The following NUP107 variants were observed in gnomAD, a reference collection of about 807,000 sequenced individuals.
NUP107 encodes the protein nuclear pore complex protein Nup107.
Under a neutral mutation model 141.0 loss-of-function variants are expected in NUP107, and 101 were observed. The ratio of observed to expected loss-of-function variants is 0.72; its 90% CI spans 0.61 to 0.84. The LOEUF (loss-of-function observed/expected upper bound fraction) is 0.84, where lower values mean the gene tolerates loss of function less well. Among genes scored for constraint, NUP107 ranks in the 40% least tolerant of loss-of-function variants. The pLI, the probability that NUP107 is intolerant of heterozygous loss-of-function variation, is 0.00. For synonymous variants in NUP107, 319 were observed against 363.9 expected (o/e 0.88, Z 1.41); for missense variants, 941 against 1,102.7 (o/e 0.85, Z 2.08).
Position 68,732,743 on chromosome 12 carries a change from T to C in NUP107, c.2101+4T>C. On this transcript the variant is annotated splice_donor_region_variant and intron_variant, in intron 23 of 27. Transcript: ENST00000229179. ...GCAATTATGAGAAAATTCTTGGGTATAGTATATTTTTATGCAGCTTCAAAC... is the reference window on the plus strand; with the variant it reads ...GCAATTATGAGAAAATTCTTGGGTACAGTATATTTTTATGCAGCTTCAAAC... 3.2e-6 allele frequency: 5 copies of C among 1,580,900 alleles called. No homozygotes were observed. The highest frequency in any genetic ancestry group is 1.1e-5 in the South Asian group (1 of 89,210).
At chr12:68,711,316 A>G (rs1025502133) in intron 10 of NUP107, among the ~76,000 whole-genome samples, 11 of 152,128 alleles carry the variant, frequency 7.2e-5, no homozygotes, top group African/African-American at 2.4e-4. Context: ...GCGCCACTGC[A>G]CTCCAGCCTG....
chr12:68,698,168 A>T (rs1391975788), intron 6 of NUP107, among the ~76,000 whole-genome samples: 1 of 151,014 alleles, frequency 6.6e-6, no homozygotes, highest in Non-Finnish European at 1.5e-5. Flanking sequence ...AGTAATCCCA[A>T]CACTTTGGGA....
In NUP107 at chr12:68,727,566, C is replaced by T. The variant is rs74103028; in HGVS notation, c.1734+177C>T. 0.045 allele frequency among the ~76,000 whole-genome samples: 6,789 copies of T among 152,090 alleles called. 511 individuals are homozygous for T. Among genetic ancestry groups the T allele is most frequent in the African/African-American group, 0.15 (6,358 of 41,438 alleles). On this transcript the variant is annotated intron_variant, in intron 20 of 27. Coordinates refer to ENST00000229179, the MANE Select transcript of NUP107 (RefSeq NM_020401.4). ...CAGGGATTAGGAAAACAACCCCCAC[C>T]GCCCCGCACAATCAAAAATTCACTA...
intron 8 of NUP107, chr12:68,707,056 T>C: frequency 1.7e-6 from 1 of 585,954 alleles, no homozygotes; most frequent in Non-Finnish European, 3.0e-6. Context: ...AGTCGTCTGA[T>C]GTACTGACCA....
chr12:68,742,545 G>A lies in NUP107; in HGVS notation c.*83G>A. The A allele has an allele frequency of 1.5e-6, 1 of 664,354 alleles. No homozygotes were observed. The highest frequency in any genetic ancestry group is 2.5e-6 in the Non-Finnish European group (1 of 403,172). The allele number at this position is 664,354 out of a possible 1,614,324, so 41.2% of individuals were successfully genotyped here. A position where few individuals can be genotyped will look rare whatever the true frequency, so the allele number is the denominator to read the frequency against. On this transcript the variant is annotated 3_prime_UTR_variant, in exon 28 of 28. Coordinates refer to ENST00000229179, the MANE Select transcript of NUP107 (RefSeq NM_020401.4). ...CTTGTTATTAGTAATTTTTTCTTTT[G>A]CATTACCATGTAAAATTTAGACATT... is the stretch of plus-strand genomic sequence containing the variant.
At chr12:68,721,283 G>A (rs1199299415) in intron 15 of NUP107, 106 bp downstream of exon 15, 40 of 671,592 alleles carry the variant, frequency 6.0e-5, no homozygotes, top group Middle Eastern at 8.4e-4. Flanking sequence ...GTATACTTAA[G>A]TATATACATA....
chr12:68,693,288 G>A (rs1875904785), intron 5 of NUP107, among the ~76,000 whole-genome samples: 2 of 151,994 alleles, frequency 1.3e-5, no homozygotes, highest in Non-Finnish European at 2.9e-5. Context: ...TTTTGGCCAG[G>A]CTGATCTCGA....
chr12:68,736,922 G>A (rs1878098595), intron 26 of NUP107, among the ~76,000 whole-genome samples: 1 of 151,628 alleles, frequency 6.6e-6, no homozygotes, highest in East Asian at 2.0e-4. Context: ...GGCTGGTCTC[G>A]AACTCCTGAC....
intron 20 of NUP107, 88 bp downstream of exon 20, chr12:68,727,477 TAAGA>T (rs1171642593): frequency 2.8e-6 from 2 of 708,560 alleles, no homozygotes; most frequent in Non-Finnish European, 4.8e-6. Context: ...TTCTCAGTGG[TAAGA>T]AAGCATCAGA....
intron 26 of NUP107, among the ~76,000 whole-genome samples, chr12:68,736,748 G>GTTTTT (rs1258658216): frequency 8.1e-6 from 1 of 124,198 alleles, no homozygotes; most frequent in Non-Finnish European, 1.6e-5. Context: ...TTGAGAAAGA[G>GTTTTT]TTTTGCTCTT....
intron 26 of NUP107, among the ~76,000 whole-genome samples, chr12:68,739,041 T>C (rs1878205631): frequency 6.6e-6 from 1 of 152,112 alleles, no homozygotes; most frequent in Non-Finnish European, 1.5e-5. Context: ...ATTCTGGGCC[T>C]CTTCATTGGT....
At chr12:68,728,421 CT>C (rs775566595) in intron 20 of NUP107, among the ~76,000 whole-genome samples, 2,586 of 112,400 alleles carry the variant, frequency 0.023, 20 homozygotes, top group Non-Finnish European at 0.034. Context: ...GAAAACCTGT[CT>C]TTTTTTTTTT....
chr12:68,692,326 A>G (rs926570342), intron 5 of NUP107, among the ~76,000 whole-genome samples: 6 of 152,028 alleles, frequency 3.9e-5, no homozygotes, highest in African/African-American at 1.2e-4. Context: ...CATGCCTATA[A>G]TCCTAGCACT....
chr12:68,733,068 C>T (rs1259484279), intron 23 of NUP107, among the ~76,000 whole-genome samples: 2 of 151,894 alleles, frequency 1.3e-5, no homozygotes, highest in South Asian at 4.2e-4. Flanking sequence ...TTTGATCCTT[C>T]CATAGGGAGG....
chr12:68,703,607 C>T (rs778579350), intron 8 of NUP107, among the ~76,000 whole-genome samples: 16 of 151,984 alleles, frequency 1.1e-4, no homozygotes, highest in Non-Finnish European at 1.6e-4. Context: ...TGTGCCACCA[C>T]GCCTGGCTAA....
In NUP107 at chr12:68,713,713, CTTA is replaced by C. The variant is rs1244740226; in HGVS notation, c.891-11_891-9del. On this transcript the variant is annotated splice_polypyrimidine_tract_variant and intron_variant, in intron 10 of 27. Coordinates refer to ENST00000229179, the MANE Select transcript of NUP107 (RefSeq NM_020401.4). ...AAATTACCTCTTAAAAAATTTGGTACTTATTATTTCTTTCAGGGAAAATACTCT... is the reference window on the plus strand; with the variant it reads ...AAATTACCTCTTAAAAAATTTGGTACTTATTTCTTTCAGGGAAAATACTCT... The C allele has an allele frequency of 3.2e-6, 5 of 1,572,144 alleles. No individual in the cohort carries two copies. Among genetic ancestry groups the C allele is most frequent in the African/African-American group, 2.7e-5 (2 of 72,770 alleles).
chr12:68,713,608 A>G (rs1565694468), intron 10 of NUP107, 122 bp from the exon 11 acceptor site: 1 of 717,298 alleles, frequency 1.4e-6, no homozygotes, highest in Admixed American at 2.8e-5. Flanking sequence ...TGTATTAAGG[A>G]TTTTTGCATG....
At chr12:68,741,612 G>A (rs951524624) in intron 26 of NUP107, among the ~76,000 whole-genome samples, 2 of 152,160 alleles carry the variant, frequency 1.3e-5, no homozygotes, top group African/African-American at 4.8e-5. Flanking sequence ...GACATAGTAA[G>A]TTTATTAGAA....
intron 1 of NUP107, chr12:68,687,727 G>A (rs1316102781): frequency 1.6e-5 from 13 of 823,490 alleles, no homozygotes; most frequent in Non-Finnish European, 1.5e-5. Flanking sequence ...TACCTACTAT[G>A]TGACTGCCAT....
Sources: allele counts gnomAD v4.1 joint callset (sites outside exome capture counted in the v4.1 genomes callset), GRCh38; gene constraint gnomAD v4.1.1; transcripts MANE v1.5; gene names NCBI Gene and HGNC (gene_info 2026-07-23, HGNC 2026-07-21).